FBLN2: variants seen among roughly 807,000 people sequenced by gnomAD.
FBLN2 encodes the protein fibulin-2.
Under a neutral mutation model 123.7 loss-of-function variants are expected in FBLN2, and 81 were observed. That is an observed-to-expected ratio of 0.65 (90% CI 0.55 to 0.79). The LOEUF is 0.79. Among genes scored for constraint, FBLN2 ranks in the 30% least tolerant of loss-of-function variants. The pLI, the probability that FBLN2 is intolerant of heterozygous loss-of-function variation, is 0.00. For missense variants in FBLN2, 1,603 were observed against 1,681.3 expected (o/e 0.95, Z 0.81); for synonymous variants, 699 against 701.4 (o/e 1.00, Z 0.05).
intron 2 of FBLN2, among the ~76,000 whole-genome samples, chr3:13,572,305 C>T (rs1703989161): frequency 6.6e-6 from 1 of 152,236 alleles, no homozygotes; most frequent in South Asian, 2.1e-4. Flanking sequence ...TGTACCCTCA[C>T]TCCATGGAGG....
Position 13,637,965 on chromosome 3 carries a change from A to T in FBLN2, c.*46A>T. 6.1e-6 allele frequency: 9 copies of T among 1,485,790 alleles called. No individual in the cohort carries two copies. The highest frequency in any genetic ancestry group is 8.2e-6 in the Non-Finnish European group (9 of 1,093,966). The allele number at this position is 1,485,790 out of a possible 1,614,324, so 92.0% of individuals were successfully genotyped here. The stretch of plus-strand genomic sequence containing the variant: ...GCGGGTGTGGCGCAGCCCAGGGCTC[A>T]CACTGCGTGGGAGGGACTGGGTCAC... On this transcript the variant is annotated 3_prime_UTR_variant, in exon 18 of 18. Transcript: ENST00000404922.
In FBLN2 at chr3:13,636,576, TC is replaced by T; in HGVS notation, c.3338+12del. On this transcript the variant is annotated intron_variant, in intron 17 of 17. Coordinates refer to ENST00000404922, the MANE Select transcript of FBLN2 (RefSeq NM_001004019.2). ...TGTCCAAGTCTCCAAAACGTGAGTGTCCCCACCCCAGTCCCAGTCCCAGGGA... is the reference window on the plus strand; with the variant it reads ...TGTCCAAGTCTCCAAAACGTGAGTGTCCCACCCCAGTCCCAGTCCCAGGGA... 1 of 1,612,558 alleles carries T rather than the reference TC, an allele frequency of 6.2e-7. No homozygotes were observed. The highest frequency in any genetic ancestry group is 8.5e-7 in the Non-Finnish European group (1 of 1,179,312).
chr3:13,614,673 C>A (rs202119609), intron 5 of FBLN2, among the ~76,000 whole-genome samples: 1 of 55,600 alleles, frequency 1.8e-5, no homozygotes, highest in African/African-American at 7.2e-5. Context: ...CATCCATCCA[C>A]CTACCCACCC....
In FBLN2 at chr3:13,616,595, G is replaced by T. The variant is rs115285735; in HGVS notation, c.1730-1481G>T. Among the ~76,000 whole-genome samples the T allele has an allele frequency of 2.3e-3, 345 of 152,286 alleles. 1 individual carries two copies. The highest frequency in any genetic ancestry group is 7.7e-3 in the African/African-American group (322 of 41,570). Reference sequence around the variant, plus strand: ...TGTAAACACCCTCCATATGAAACACGTTCCTCATACGTGACTTCATGCAGC... The same window carrying T: ...TGTAAACACCCTCCATATGAAACACTTTCCTCATACGTGACTTCATGCAGC... On this transcript the variant is annotated intron_variant, in intron 5 of 17. Transcript: ENST00000404922.
At position 13,618,825 on chromosome 3, in the gene FBLN2, C is replaced by T. The variant is rs1265752983; in HGVS notation, c.1940-79C>T. 4 of 946,532 alleles carry T rather than the reference C, an allele frequency of 4.2e-6. No individual in the cohort carries two copies. In the South Asian group the frequency reaches 4.6e-5, roughly 11 times the overall value. 58.6% of individuals were successfully genotyped at this position (946,532 alleles called of 1,614,324 possible). On this transcript the variant is annotated intron_variant, in intron 6 of 17. Coordinates refer to ENST00000404922, the MANE Select transcript of FBLN2 (RefSeq NM_001004019.2). ...ATGTCAGTGCCCTGTGTGAGAAGGG[C>T]AGGTGCCTGGAAGTGCCTGAGGCCT...
chr3:13,608,770 A>G (rs1414847565), intron 3 of FBLN2, among the ~76,000 whole-genome samples: 2 of 152,174 alleles, frequency 1.3e-5, no homozygotes, highest in African/African-American at 2.4e-5. Context: ...TTTCCAAATA[A>G]GAAAGATTAA....
In FBLN2 at chr3:13,571,281, C is replaced by A; in HGVS notation, c.926C>A (p.Thr309Asn). 6.4e-7 allele frequency: 1 copy of A among 1,573,642 alleles called. No homozygotes were observed. Among genetic ancestry groups the A allele is most frequent in the Admixed American group, 1.9e-5 (1 of 52,938 alleles). The change falls in exon 2 of 18, where the codon ACT becomes AAT. Residue 309 changes from threonine (T) to asparagine (N), a missense_variant. Thr to Asn is a moderately conservative substitution (Grantham distance 65). Coordinates refer to ENST00000404922, the MANE Select transcript of FBLN2 (RefSeq NM_001004019.2). ...CACAGGGGGCTGGATGGGCTGCCCA[C>A]TACAGCCCCAGCTGGACCCAGTCTT... The part of the protein sequence containing the change: ...GGHRGLDGLP[T>N]TAPAGPSLPI...
At chr3:13,592,509 A>C (rs1454516292) in intron 2 of FBLN2, among the ~76,000 whole-genome samples, 1 of 152,180 alleles carries the variant, frequency 6.6e-6, no homozygotes, top group Admixed American at 6.5e-5. Flanking sequence ...GAAATTTGGA[A>C]TTAGCCCTTT....
At chr3:13,633,954 A>AACACACACACACACACACACACACAC (rs56947028) in intron 16 of FBLN2, among the ~76,000 whole-genome samples, 3,850 of 112,774 alleles carry the variant, frequency 0.034, 298 homozygotes, top group East Asian at 0.072. Flanking sequence ...ACACACTGCA[A>AACACACACACACACACACACACACAC]ACACACACAC....
chr3:13,634,684 C>T (rs1706393911), intron 16 of FBLN2, among the ~76,000 whole-genome samples: 2 of 152,250 alleles, frequency 1.3e-5, no homozygotes, highest in South Asian at 4.1e-4. Context: ...TTCTGCGCCA[C>T]CCTGGGGCCT....
chr3:13,594,577 C>T (rs1291680729), intron 2 of FBLN2, among the ~76,000 whole-genome samples: 1 of 152,198 alleles, frequency 6.6e-6, no homozygotes, highest in East Asian at 1.9e-4. Flanking sequence ...ACTCTGCCTC[C>T]CTGGGTCTTG....
intron 2 of FBLN2, among the ~76,000 whole-genome samples, chr3:13,594,168 C>A (rs1179030054): frequency 5.3e-5 from 8 of 152,140 alleles, no homozygotes; most frequent in Non-Finnish European, 8.8e-5. Flanking sequence ...GCTCGTAGAC[C>A]CCAGTGGGTG....
In FBLN2 at chr3:13,618,295, C is replaced by T. The variant is rs1463704717; in HGVS notation, c.1939+10C>T. On this transcript the variant is annotated intron_variant, in intron 6 of 17. Coordinates refer to ENST00000404922, the MANE Select transcript of FBLN2 (RefSeq NM_001004019.2). Reference sequence around the variant, plus strand: ...CGCACTTGCCGCCCAGGTAAGGGCCCTGATGGCCAGGGCAGGGGCTATGGG... The same window carrying T: ...CGCACTTGCCGCCCAGGTAAGGGCCTTGATGGCCAGGGCAGGGGCTATGGG... The T allele has an allele frequency of 6.2e-7, 1 of 1,613,430 alleles. No homozygotes were observed. The highest frequency in any genetic ancestry group is 8.5e-7 in the Non-Finnish European group (1 of 1,179,738).
At chr3:13,568,489 T>G (rs1703814977) in intron 1 of FBLN2, among the ~76,000 whole-genome samples, 1 of 152,160 alleles carries the variant, frequency 6.6e-6, no homozygotes, top group Admixed American at 6.5e-5. Flanking sequence ...AGTCCCAGGC[T>G]CCAGCGCTTA....
At chr3:13,614,868 C>T (rs185648223) in intron 5 of FBLN2, among the ~76,000 whole-genome samples, 203 of 151,230 alleles carry the variant, frequency 1.3e-3, no homozygotes, top group Admixed American at 0.013. Context: ...GTCCATCTGT[C>T]CATCTATCCA....
intron 3 of FBLN2, among the ~76,000 whole-genome samples, chr3:13,608,753 A>G (rs983872328): frequency 6.6e-6 from 1 of 151,962 alleles, no homozygotes; most frequent in Non-Finnish European, 1.5e-5. Flanking sequence ...CGTCTAACCT[A>G]CTCATTTTTC....
rs371053109 is a variant in FBLN2, at chr3:13,629,960, A to G, written c.2968+15A>G. 3 of 1,609,600 alleles carry G rather than the reference A, an allele frequency of 1.9e-6. No individual in the cohort carries two copies. Among genetic ancestry groups the G allele is most frequent in the East Asian group, 2.2e-5 (1 of 44,826 alleles). ...GCGCTGTGAAGGTAGGCTGGCCCTC[A>G]TCTCTGACCCTATGCCGCCTGGTAT... On this transcript the variant is annotated intron_variant, in intron 14 of 17. Coordinates refer to ENST00000404922, the MANE Select transcript of FBLN2 (RefSeq NM_001004019.2).
rs1239360890 is a variant in FBLN2 at position 13,619,661 on chromosome 3, T to TGGGG, written c.2054-68_2054-65dup. On this transcript the variant is annotated intron_variant, in intron 7 of 17. Coordinates refer to ENST00000404922, the MANE Select transcript of FBLN2 (RefSeq NM_001004019.2). ...CTCACTAGTAGGTTAGAGCCAGGGA[T>TGGGG]GGGGAATGAGCCAGTGTGGACCAAG... 19 of 1,311,730 alleles carry TGGGG rather than the reference T, an allele frequency of 1.4e-5. 1 individual carries two copies. 81.3% of individuals were successfully genotyped at this position (1,311,730 alleles called of 1,614,324 possible). A position where few individuals can be genotyped will look rare whatever the true frequency, so the allele number is the denominator to read the frequency against.
intron 9 of FBLN2, among the ~76,000 whole-genome samples, chr3:13,625,951 C>T (rs966377987): frequency 7.2e-5 from 11 of 151,966 alleles, no homozygotes; most frequent in Non-Finnish European, 1.0e-4. Flanking sequence ...ACATCCCTGA[C>T]GCCTCTGCCT....
Sources: gnomAD v4.1 joint callset for allele counts (sites outside exome capture counted in the v4.1 genomes callset) on GRCh38, gnomAD v4.1.1 for gene constraint, MANE v1.5 for transcripts, NCBI Gene and HGNC (gene_info 2026-07-23, HGNC 2026-07-21) for gene names.